Variants in HACD2 observed in about 807,000 individuals in gnomAD.
The protein encoded by HACD2 is 3-hydroxyacyl-CoA dehydratase 2, also known as very-long-chain (3R)-3-hydroxyacyl-CoA dehydratase 2.
In HACD2, 15 loss-of-function variants were observed where a neutral mutation model predicts 31.0. That is an observed-to-expected ratio of 0.48 (90% CI 0.32 to 0.75). The LOEUF is 0.75. Among genes scored for constraint, HACD2 ranks in the 30% least tolerant of loss-of-function variants. The pLI is 0.03. For missense variants in HACD2, 283 were observed against 313.0 expected, an observed-to-expected ratio of 0.90 and a Z score of 0.72; for synonymous variants, 115 against 122.2, an observed-to-expected ratio of 0.94 and a Z score of 0.39.
intron 4 of HACD2, among the ~76,000 whole-genome samples, chr3:123,515,307 GGCTGGAA>G (rs1267811486): frequency 6.6e-6 from 1 of 152,108 alleles, no homozygotes; most frequent in Non-Finnish European, 1.5e-5. Flanking sequence ...ACTCATACTA[GGCTGGAA>G]GCCCTGTGAG....
chr3:123,576,228 C>A (rs1323710118), intron 2 of HACD2, among the ~76,000 whole-genome samples: 1 of 148,800 alleles, frequency 6.7e-6, no homozygotes, highest in East Asian at 2.0e-4. Context: ...CCCTATATTG[C>A]CACCATTGAT....
intron 3 of HACD2, among the ~76,000 whole-genome samples, chr3:123,551,602 G>T (rs2056621142): frequency 6.6e-6 from 1 of 151,462 alleles, no homozygotes; most frequent in Non-Finnish European, 1.5e-5. Flanking sequence ...CCAGCCTGGT[G>T]ACAGAGTGAG....
intron 3 of HACD2, among the ~76,000 whole-genome samples, chr3:123,531,443 C>G (rs191014112): frequency 7.2e-5 from 11 of 152,274 alleles, no homozygotes; most frequent in Admixed American, 1.3e-4. Context: ...CCTCAGCCTC[C>G]TGAGTATCTG....
chr3:123,514,845 A>G (rs1249542207), intron 4 of HACD2, among the ~76,000 whole-genome samples: 7 of 152,256 alleles, frequency 4.6e-5, no homozygotes, highest in African/African-American at 1.7e-4. Flanking sequence ...TTCCTTAAGA[A>G]TGATAAAAGT....
At chr3:123,515,037 C>T (rs2056116203) in intron 4 of HACD2, among the ~76,000 whole-genome samples, 1 of 152,138 alleles carries the variant, frequency 6.6e-6, no homozygotes, top group South Asian at 2.1e-4. Flanking sequence ...ACATTATACC[C>T]AGTAGGTAGC....
At chr3:123,537,113 AAATT>A (rs1199886485) in intron 3 of HACD2, among the ~76,000 whole-genome samples, 5 of 152,268 alleles carry the variant, frequency 3.3e-5, no homozygotes, top group Admixed American at 6.5e-5. Context: ...GAACAATAAT[AAATT>A]AATAACAATT....
At chr3:123,554,448 C>T (rs1447026115) in intron 3 of HACD2, among the ~76,000 whole-genome samples, 1 of 151,924 alleles carries the variant, frequency 6.6e-6, no homozygotes, top group Non-Finnish European at 1.5e-5. Flanking sequence ...CTAAAGTGTG[C>T]TATGATCACT....
chr3:123,515,357 T>A (rs1158509219), intron 4 of HACD2, among the ~76,000 whole-genome samples: 1 of 152,164 alleles, frequency 6.6e-6, no homozygotes, highest in Admixed American at 6.5e-5. Flanking sequence ...TTCTCATGTG[T>A]CTTACTTAGT....
intron 2 of HACD2, among the ~76,000 whole-genome samples, chr3:123,575,714 C>T (rs2056901436): frequency 6.6e-6 from 1 of 152,144 alleles, no homozygotes; most frequent in South Asian, 2.1e-4. Flanking sequence ...GTCTGTTATC[C>T]AGGAACCTAA....
chr3:123,502,647 A>G lies in HACD2; in HGVS notation c.416T>C (p.Ile139Thr). Residue 139 changes from isoleucine (I) to threonine (T), a missense_variant, in exon 5 of 7, where the codon ATT (isoleucine) becomes ACT (threonine). Physicochemically the swap from Ile to Thr is moderately conservative, Grantham distance 89. Around this residue, in one of 3 missense-constraint regions of HACD2, gnomAD observed 85 missense variants for 129.6 expected, o/e 0.66. Transcript: ENST00000383657. ...QSEDSVLLFV[I>T]AWTITEIIRY... ...GATGATTTCCGTGATCGTCCATGCA[A>G]TAACAAACAGGAGGACACTGTCTTC... 1 of 1,606,280 alleles carries G rather than the reference A, an allele frequency of 6.2e-7. No individual in the cohort carries two copies. The highest frequency in any genetic ancestry group is 8.5e-7 in the Non-Finnish European group (1 of 1,176,244).
chr3:123,582,158 T>C (rs370283753), intron 2 of HACD2, 54 bp downstream of exon 2: 1 of 1,235,282 alleles, frequency 8.1e-7, no homozygotes, highest in Admixed American at 2.8e-5. Flanking sequence ...TTTAGTTGCA[T>C]GTTTTTCTTC....
At chr3:123,544,040 A>G (rs1377597402) in intron 3 of HACD2, among the ~76,000 whole-genome samples, 2 of 152,206 alleles carry the variant, frequency 1.3e-5, no homozygotes, top group Non-Finnish European at 2.9e-5. Context: ...GGGACTCTTG[A>G]GTGCTGTTCA....
chr3:123,568,164 T>C (rs1467200814), intron 2 of HACD2, among the ~76,000 whole-genome samples: 1 of 152,182 alleles, frequency 6.6e-6, no homozygotes, highest in Non-Finnish European at 1.5e-5. Context: ...GAACACGGGG[T>C]GAGAAGGGCC....
At chr3:123,532,759 C>A (rs907430179) in intron 3 of HACD2, among the ~76,000 whole-genome samples, 4 of 148,160 alleles carry the variant, frequency 2.7e-5, no homozygotes, top group Non-Finnish European at 4.4e-5. Context: ...CTCTTGAACC[C>A]GGGAGCAGAG....
chr3:123,536,678 A>G (rs1200780109), intron 3 of HACD2, among the ~76,000 whole-genome samples: 1 of 152,234 alleles, frequency 6.6e-6, no homozygotes, highest in Non-Finnish European at 1.5e-5. Context: ...CTTGGTTACA[A>G]AAATAATACT....
At chr3:123,505,264 A>G (rs1290351615) in intron 4 of HACD2, among the ~76,000 whole-genome samples, 1 of 152,180 alleles carries the variant, frequency 6.6e-6, no homozygotes, top group East Asian at 1.9e-4. Context: ...AAGATGAGAA[A>G]TAGAGAATTA....
At chr3:123,527,071 T>C (rs933844647) in intron 4 of HACD2, among the ~76,000 whole-genome samples, 1 of 152,272 alleles carries the variant, frequency 6.6e-6, no homozygotes, top group East Asian at 1.9e-4. Flanking sequence ...TTTGACTTCA[T>C]GTACCTAGCA....
intron 4 of HACD2, among the ~76,000 whole-genome samples, chr3:123,511,177 C>T (rs1233912645): frequency 6.6e-6 from 1 of 151,888 alleles, no homozygotes; most frequent in Admixed American, 6.6e-5. Flanking sequence ...ATAATTATAC[C>T]TAATTGTTAC....
At chr3:123,528,884 G>A (rs2056317170) in intron 3 of HACD2, among the ~76,000 whole-genome samples, 1 of 152,190 alleles carries the variant, frequency 6.6e-6, no homozygotes, top group Admixed American at 6.5e-5. Context: ...TGTCTAATGA[G>A]TGCTGGAAGC....
Sources: gnomAD v4.1 joint callset for allele counts (sites outside exome capture counted in the v4.1 genomes callset) on GRCh38, gnomAD v4.1.1 for gene constraint, gnomAD v4.1.1 regional missense constraint, MANE v1.5 for transcripts, NCBI Gene and HGNC (gene_info 2026-07-23, HGNC 2026-07-21) for gene names.